SHANK2: variants seen among roughly 807,000 people sequenced by gnomAD.
SHANK2 encodes the protein SH3 and multiple ankyrin repeat domains protein 2.
In SHANK2, 43 loss-of-function variants were observed where a neutral mutation model predicts 133.7. The observed-to-expected ratio is 0.32, with a 90% CI of 0.25 to 0.41. The LOEUF (loss-of-function observed/expected upper bound fraction) is 0.41. Among genes scored for constraint, SHANK2 ranks in the 10% least tolerant of loss-of-function variants. The pLI is 1.00. For missense variants in SHANK2, 1,994 were observed against 2,235.8 expected (o/e 0.89, Z 2.18); for synonymous variants, 1,017 against 952.8 (o/e 1.07, Z -1.24).
At chr11:70,800,121 T>C (rs1948011808) in intron 13 of SHANK2, among the ~76,000 whole-genome samples, 1 of 152,126 alleles carries the variant, frequency 6.6e-6, no homozygotes, top group South Asian at 2.1e-4. Flanking sequence ...CTCCCAGGCT[T>C]AAGTGATCCT....
At chr11:70,737,754 TC>T (rs1946435158) in intron 14 of SHANK2, among the ~76,000 whole-genome samples, 1 of 152,152 alleles carries the variant, frequency 6.6e-6, no homozygotes, top group Non-Finnish European at 1.5e-5. Context: ...GACCCTTACA[TC>T]GCAAACATTT....
chr11:70,901,859 T>C (rs563307128), intron 10 of SHANK2, among the ~76,000 whole-genome samples: 30 of 152,108 alleles, frequency 2.0e-4, no homozygotes, highest in Non-Finnish European at 3.8e-4. Flanking sequence ...AAGATGGATG[T>C]GTGGTGGGAG....
At chr11:71,092,356 C>T (rs781850476) in intron 8 of SHANK2, 66 bp downstream of exon 8, 15 of 1,528,692 alleles carry the variant, frequency 9.8e-6, no homozygotes, top group East Asian at 2.5e-5. Context: ...TGCTTATCTG[C>T]GGGATCGGAG....
intron 11 of SHANK2, among the ~76,000 whole-genome samples, chr11:70,827,100 A>T (rs1948653914): frequency 6.6e-6 from 1 of 152,218 alleles, no homozygotes; most frequent in Non-Finnish European, 1.5e-5. Flanking sequence ...GCTTCACACC[A>T]GACCCACGTT....
At chr11:70,740,552 C>G (rs540852503) in intron 14 of SHANK2, among the ~76,000 whole-genome samples, 1 of 152,132 alleles carries the variant, frequency 6.6e-6, no homozygotes, top group African/African-American at 2.4e-5. Context: ...TGGGGTGATG[C>G]GTCAGAGGAA....
chr11:70,498,071 G>C (rs1484424591), intron 21 of SHANK2, among the ~76,000 whole-genome samples: 2 of 152,208 alleles, frequency 1.3e-5, no homozygotes, highest in African/African-American at 4.8e-5. Flanking sequence ...CAGCTTTCCT[G>C]GGACCTGATT....
At chr11:71,218,205 G>C (rs1197208094) in intron 2 of SHANK2, among the ~76,000 whole-genome samples, 1 of 149,362 alleles carries the variant, frequency 6.7e-6, no homozygotes, top group African/African-American at 2.5e-5. Context: ...AAATAAAAAA[G>C]TTACAGTAAG....
At chr11:70,925,792 G>A (rs140691929) in intron 10 of SHANK2, among the ~76,000 whole-genome samples, 80 of 152,078 alleles carry the variant, frequency 5.3e-4, no homozygotes, top group African/African-American at 1.7e-3. Flanking sequence ...CATGGTCTGC[G>A]GTGCTAACAT....
At chr11:70,827,841 G>A (rs1184298714) in intron 11 of SHANK2, among the ~76,000 whole-genome samples, 1 of 152,070 alleles carries the variant, frequency 6.6e-6, no homozygotes, top group Non-Finnish European at 1.5e-5. Flanking sequence ...GAACAAGAAG[G>A]CTGGGGGCCC....
rs1384783444 is a variant in SHANK2, at chr11:70,471,983, CTGG to C, written c.*883_*885del. 1 of 152,562 alleles carries C rather than the reference CTGG, an allele frequency of 6.6e-6. No individual in the cohort carries two copies. The highest frequency in any genetic ancestry group is 1.5e-5 in the Non-Finnish European group (1 of 68,072). 9.5% of individuals were successfully genotyped at this position (152,562 alleles called of 1,614,324 possible). A position where few individuals can be genotyped will look rare whatever the true frequency, so the allele number is the denominator to read the frequency against. On this transcript the variant is annotated 3_prime_UTR_variant, in exon 26 of 26. Coordinates refer to ENST00000601538, the MANE Select transcript of SHANK2 (RefSeq NM_012309.5). The surrounding 1 kb of genome is among the most constrained non-coding windows in gnomAD (Gnocchi z 4.1). ...GGCAGAGAAGCCCTTATTCTCCATC[CTGG>C]ATGGGTGCTCATGGCAGACAACTGC... is the stretch of plus-strand genomic sequence containing the variant.
chr11:70,765,204 G>C (rs541565492), intron 14 of SHANK2, among the ~76,000 whole-genome samples: 1 of 152,296 alleles, frequency 6.6e-6, no homozygotes, highest in African/African-American at 2.4e-5. Context: ...GACCCAAGTG[G>C]CATGGCTGGC....
intron 11 of SHANK2, among the ~76,000 whole-genome samples, chr11:70,895,100 A>T (rs1374275953): frequency 1.3e-5 from 2 of 152,186 alleles, no homozygotes; most frequent in East Asian, 3.9e-4. Context: ...GGCTCACAGG[A>T]GGGATGTGCA....
At chr11:70,648,009 G>A (rs1385891568) in intron 17 of SHANK2, among the ~76,000 whole-genome samples, 2 of 152,152 alleles carry the variant, frequency 1.3e-5, no homozygotes, top group Non-Finnish European at 2.9e-5. Flanking sequence ...CAGCCCAAGT[G>A]TCCCTGAACT....
intron 8 of SHANK2, among the ~76,000 whole-genome samples, chr11:71,087,499 C>T (rs1194436858): frequency 2.0e-5 from 3 of 152,264 alleles, no homozygotes; most frequent in South Asian, 2.1e-4. Context: ...CAGAGCTCAA[C>T]AGGAAAACAG....
intron 11 of SHANK2, among the ~76,000 whole-genome samples, chr11:70,853,112 G>T (rs1373413295): frequency 1.3e-5 from 2 of 152,264 alleles, no homozygotes; most frequent in Non-Finnish European, 2.9e-5. Context: ...GGGTTTACGG[G>T]AGACAGCAAT....
intron 14 of SHANK2, among the ~76,000 whole-genome samples, chr11:70,719,158 A>G (rs1946019509): frequency 6.6e-6 from 1 of 152,208 alleles, no homozygotes; most frequent in Non-Finnish European, 1.5e-5. Flanking sequence ...GGTTCCAGAT[A>G]GCGTGGGGTG....
At chr11:70,524,288 CTG>C (rs1387944162) in intron 17 of SHANK2, among the ~76,000 whole-genome samples, 2 of 152,236 alleles carry the variant, frequency 1.3e-5, no homozygotes, top group Non-Finnish European at 2.9e-5. Flanking sequence ...CCAGGGGCAG[CTG>C]TGTCGCTCAC....
chr11:70,643,230 T>C (rs2061210668), intron 17 of SHANK2, among the ~76,000 whole-genome samples: 1 of 152,182 alleles, frequency 6.6e-6, no homozygotes, highest in African/African-American at 2.4e-5. Flanking sequence ...TTGGAAAATG[T>C]GGAGTACAGA....
At chr11:70,552,465 A>G (rs967863883) in intron 17 of SHANK2, among the ~76,000 whole-genome samples, 7 of 152,202 alleles carry the variant, frequency 4.6e-5, no homozygotes, top group Non-Finnish European at 8.8e-5. Context: ...CTTGACAACA[A>G]CTGAAAAATT....
Sources: gnomAD v4.1 joint callset for allele counts (sites outside exome capture counted in the v4.1 genomes callset) on GRCh38, gnomAD v4.1.1 for gene constraint, Gnocchi (gnomAD v3.1) non-coding constraint, MANE v1.5 for transcripts, NCBI Gene and HGNC (gene_info 2026-07-23, HGNC 2026-07-21) for gene names.